ADD1: variants seen among roughly 807,000 people sequenced by gnomAD.
ADD1 encodes the protein alpha-adducin.
Under a neutral mutation model 80.5 loss-of-function variants are expected in ADD1, and 24 were observed. The observed-to-expected ratio is 0.30, with a 90% CI of 0.22 to 0.42. ADD1 has a LOEUF of 0.42. Ranked by LOEUF, ADD1 falls within the 10% of genes least tolerant of loss-of-function variation. The pLI is 1.00. For synonymous variants in ADD1, 373 were observed against 393.8 expected (o/e 0.95, Z 0.63); for missense variants, 948 against 1,019.0 (o/e 0.93, Z 0.95).
chr4:2,869,461 G>T (rs1223408844), intron 1 of ADD1, among the ~76,000 whole-genome samples: 1 of 152,190 alleles, frequency 6.6e-6, no homozygotes, highest in East Asian at 1.9e-4. Flanking sequence ...GGTCTGCCTT[G>T]TGGACCCCAT....
rs371407792 is a variant in ADD1 at position 2,928,187 on chromosome 4, G to T, written c.2064G>T (p.Pro688=). The change falls in exon 16 of 16, where the codon CCG becomes CCT. Residue 688 remains proline (P), a synonymous_variant. Transcript: ENST00000683351. ...ACCCACTAGACCTTGTGCCGGAGCC[G>T]ACTACTGGAGATGACAGTGATGCTG... is the stretch of plus-strand genomic sequence containing the variant. ...IKLEEDLVPE[P]TTGDDSDAAT... The T allele has an allele frequency of 1.9e-6, 3 of 1,613,974 alleles. No homozygotes were observed. Among genetic ancestry groups the T allele is most frequent in the Middle Eastern group, 1.6e-4 (1 of 6,062 alleles).
At chr4:2,903,962 A>T (rs541543647) in intron 9 of ADD1, among the ~76,000 whole-genome samples, 1 of 152,316 alleles carries the variant, frequency 6.6e-6, no homozygotes, top group Admixed American at 6.5e-5. Flanking sequence ...TTCAGACGTA[A>T]AGTAATTTTG....
chr4:2,871,049 A>G (rs781407529), intron 1 of ADD1, among the ~76,000 whole-genome samples: 2 of 151,212 alleles, frequency 1.3e-5, no homozygotes, highest in Admixed American at 6.6e-5. Context: ...GCTCACTGCA[A>G]TCTGTGCCTG....
At chr4:2,853,272 A>G (rs1444249226) in intron 1 of ADD1, 3 of 151,570 alleles carry the variant, frequency 2.0e-5, no homozygotes, top group African/African-American at 7.3e-5. Context: ...CACCCAGCTA[A>G]TTTTTATAAT....
At chr4:2,905,609 A>T (rs1736919443) in intron 10 of ADD1, 1 of 162,728 alleles carries the variant, frequency 6.1e-6, no homozygotes, top group Non-Finnish European at 1.4e-5. Context: ...CCTTAGTGTT[A>T]TTCCCCTGCT....
At chr4:2,893,867 C>A in intron 4 of ADD1, 146 bp from the exon 5 acceptor site, 1 of 661,674 alleles carries the variant, frequency 1.5e-6, no homozygotes, top group East Asian at 2.6e-5. Flanking sequence ...TTCCAGTACC[C>A]CTTGGCTTCG....
chr4:2,876,993 C>G (rs575700832), intron 2 of ADD1, among the ~76,000 whole-genome samples: 1 of 129,690 alleles, frequency 7.7e-6, no homozygotes, highest in South Asian at 2.4e-4. Context: ...CAGAGCGAGA[C>G]TCTGTCTCAA....
Position 2,876,065 on chromosome 4 carries a change from C to T in ADD1, c.150C>T (p.Asn50=). 6.2e-7 allele frequency: 1 copy of T among 1,614,026 alleles called. No individual in the cohort carries two copies. The highest frequency in any genetic ancestry group is 8.5e-7 in the Non-Finnish European group (1 of 1,179,972). ...CACCAGACCTTCGCCAGGACTTCAA[C>T]ATGATGGAGCAAAAGAAGAGGGTGT... ...NMAPDLRQDF[N]MMEQKKRVSM... is the part of the protein sequence containing the mutation. The change falls in exon 2 of 16, where the codon AAC becomes AAT. Residue 50 remains asparagine, a synonymous_variant. Coordinates refer to ENST00000683351, the MANE Select transcript of ADD1 (RefSeq NM_001354761.2).
chr4:2,913,135 A>T (rs1738372689), intron 13 of ADD1, among the ~76,000 whole-genome samples: 1 of 152,222 alleles, frequency 6.6e-6, no homozygotes, highest in Non-Finnish European at 1.5e-5. Flanking sequence ...GGTGTGAGCC[A>T]CCATGCCTGG....
intron 1 of ADD1, among the ~76,000 whole-genome samples, chr4:2,851,018 T>C (rs1726999376): frequency 6.6e-6 from 1 of 152,208 alleles, no homozygotes; most frequent in South Asian, 2.1e-4. Context: ...TAGATTGTGA[T>C]GATTAGTTAC....
intron 1 of ADD1, among the ~76,000 whole-genome samples, chr4:2,856,072 A>G (rs1366584536): frequency 7.5e-6 from 1 of 132,976 alleles, no homozygotes; most frequent in South Asian, 2.5e-4. Context: ...AAAAAAAAAA[A>G]TAGAGACGAG....
At chr4:2,917,777 G>T (rs1201706242) in intron 14 of ADD1, among the ~76,000 whole-genome samples, 6 of 152,134 alleles carry the variant, frequency 3.9e-5, no homozygotes, top group Admixed American at 2.6e-4. Flanking sequence ...TATTAAATAG[G>T]GAATCCTTTT....
At chr4:2,903,096 A>G (rs562770198) in intron 9 of ADD1, among the ~76,000 whole-genome samples, 1 of 152,308 alleles carries the variant, frequency 6.6e-6, no homozygotes, top group East Asian at 1.9e-4. Context: ...GATGGCCCCC[A>G]AAAAAGAGCA....
intron 9 of ADD1, chr4:2,900,035 T>A (rs111929363): frequency 1.3e-5 from 2 of 155,500 alleles, no homozygotes; most frequent in African/African-American, 4.8e-5. Context: ...GTGAAGAATT[T>A]CATTCTTTTG....
At chr4:2,897,057 C>G (rs1735368414) in intron 6 of ADD1, among the ~76,000 whole-genome samples, 1 of 152,124 alleles carries the variant, frequency 6.6e-6, no homozygotes. Flanking sequence ...CTGTGCCCAG[C>G]CTCTTTTTAA....
In ADD1 at chr4:2,928,196, A is replaced by G; in HGVS notation, c.2073A>G (p.Gly691=). The change falls in exon 16 of 16, where the codon GGA becomes GGG. Residue 691 remains glycine (G), a synonymous_variant. Coordinates refer to ENST00000683351, the MANE Select transcript of ADD1 (RefSeq NM_001354761.2). ...ACCTTGTGCCGGAGCCGACTACTGG[A>G]GATGACAGTGATGCTGCCACCTTTA... The part of the protein sequence containing the change: ...EEDLVPEPTT[G]DDSDAATFKP... The G allele has an allele frequency of 6.2e-7, 1 of 1,614,108 alleles. No individual in the cohort carries two copies. The highest frequency in any genetic ancestry group is 8.5e-7 in the Non-Finnish European group (1 of 1,180,012).
intron 1 of ADD1, among the ~76,000 whole-genome samples, chr4:2,867,197 T>G (rs997425112): frequency 6.6e-6 from 1 of 152,234 alleles, no homozygotes; most frequent in African/African-American, 2.4e-5. Context: ...CAGTGGTCTT[T>G]ATAGGGTCTT....
At chr4:2,885,233 T>C (rs1733052464) in intron 4 of ADD1, among the ~76,000 whole-genome samples, 4 of 152,160 alleles carry the variant, frequency 2.6e-5, no homozygotes, top group Admixed American at 2.6e-4. Context: ...TCATAGTCCC[T>C]CATTTCAGCA....
intron 9 of ADD1, chr4:2,902,301 CAG>C (rs1348335076): frequency 6.6e-6 from 1 of 152,130 alleles, no homozygotes; most frequent in Non-Finnish European, 1.5e-5. Flanking sequence ...GTCTTTATGG[CAG>C]AGTCATTCTC....
Sources: gnomAD v4.1 joint callset for allele counts (sites outside exome capture counted in the v4.1 genomes callset) on GRCh38, gnomAD v4.1.1 for gene constraint, MANE v1.5 for transcripts, NCBI Gene and HGNC (gene_info 2026-07-23, HGNC 2026-07-21) for gene names.